Variants in ZBTB17 observed in about 807,000 individuals in gnomAD.
ZBTB17 encodes the protein zinc finger and BTB domain containing 17, also known as zinc finger and BTB domain-containing protein 17.
A neutral mutation model predicts 85.1 loss-of-function variants in ZBTB17; 24 were observed. That is an observed-to-expected ratio of 0.28 (90% CI 0.20 to 0.40). The LOEUF (loss-of-function observed/expected upper bound fraction) is 0.40. Ranked by LOEUF, ZBTB17 falls within the 10% of genes least tolerant of loss-of-function variation. The pLI is 1.00. For missense variants in ZBTB17, 743 were observed against 1,105.1 expected (o/e 0.67, Z 4.65); for synonymous variants, 464 against 460.2 (o/e 1.01, Z -0.11).
Position 15,944,564 on chromosome 1 carries a change from C to T in ZBTB17, c.1107G>A (p.Lys369=). 6.3e-7 allele frequency: 1 copy of T among 1,598,000 alleles called. No homozygotes were observed. The highest frequency in any genetic ancestry group is 2.2e-5 in the East Asian group (1 of 44,744). The change falls in exon 9 of 16, where the codon AAG becomes AAA. Residue 369 remains lysine (K), a synonymous_variant. Transcript: ENST00000375743. The part of the protein sequence containing the change: ...LKPYGCEECG[K]SYRLISLLNL... The stretch of plus-strand genomic sequence containing the variant: ...TCAGCAGGCTGATGAGGCGGTAGCT[C>T]TTCCCGCACTCCTCGCAGCCGTAGG...
Position 15,949,857 on chromosome 1 carries a change from G to T in ZBTB17, c.-2-1360C>A, listed in dbSNP as rs72893631. Among the ~76,000 whole-genome samples, 1,099 of 152,364 alleles carry T rather than the reference G, an allele frequency of 7.2e-3. 24 individuals are homozygous for T. Among genetic ancestry groups the T allele is most frequent in the African/African-American group, 0.025 (1,041 of 41,584 alleles). On this transcript the variant is annotated intron_variant, in intron 2 of 15. Transcript: ENST00000375743. ...TGATGTCTGGAAACTTTTCACAAGT[G>T]GGGGTATCTGCTGAGCGGGGGGAAG...
At chr1:15,959,639 G>A (rs541700037) in intron 2 of ZBTB17, among the ~76,000 whole-genome samples, 1 of 151,586 alleles carries the variant, frequency 6.6e-6, no homozygotes, top group South Asian at 2.1e-4. Context: ...AGGAGAGGAA[G>A]GGAGGGAGGG....
At chr1:15,950,867 C>T (rs1352574673) in intron 2 of ZBTB17, among the ~76,000 whole-genome samples, 7 of 152,298 alleles carry the variant, frequency 4.6e-5, no homozygotes, top group Middle Eastern at 3.4e-3. Context: ...CTCCCTGTGG[C>T]CATGTGCCCT....
At position 15,944,464 on chromosome 1, in the gene ZBTB17, C is replaced by T. The variant is rs767102163; in HGVS notation, c.1207G>A (p.Gly403Ser). 2 of 1,576,574 alleles carry T rather than the reference C, an allele frequency of 1.3e-6. No individual in the cohort carries two copies. The highest frequency in any genetic ancestry group is 2.3e-5 in the East Asian group (1 of 42,816). ...EDCGKLFTTS[G>S]NLKRHQLVHS... is the part of the protein sequence containing the mutation. ...ACCAGCTGGTGGCGCTTGAGGTTGC[C>T]CGAGGTGGTGAAGAGCTTGCCGCAG... Residue 403 changes from glycine (G) to serine (S), a missense_variant, in exon 9 of 16, where the codon GGC becomes AGC. Physicochemically the swap from Gly to Ser is moderately conservative, Grantham distance 56. Transcript: ENST00000375743.
At chr1:15,959,630 G>A (rs983069289) in intron 2 of ZBTB17, among the ~76,000 whole-genome samples, 2 of 150,208 alleles carry the variant, frequency 1.3e-5, no homozygotes, top group African/African-American at 4.9e-5. Context: ...AGGAGAGGGA[G>A]GAGAGGAAGG....
At position 15,943,355 on chromosome 1, in the gene ZBTB17, A is replaced by G. The variant is rs201896578; in HGVS notation, c.1697+44T>C. On this transcript the variant is annotated intron_variant, in intron 12 of 15. Coordinates refer to ENST00000375743, the MANE Select transcript of ZBTB17 (RefSeq NM_003443.3). ...CCCAGTTTGTCTTCTGAGCCCCCTC[A>G]CTGTGGGGTGTCTGGCCAGTGGGTG... 2,250 of 1,580,746 alleles carry G rather than the reference A, an allele frequency of 1.4e-3. 26 individuals carry two copies. The highest frequency in any genetic ancestry group is 5.0e-4 in the Non-Finnish European group (585 of 1,161,636).
At chr1:15,961,529 G>C (rs779048536) in intron 2 of ZBTB17, among the ~76,000 whole-genome samples, 2 of 152,248 alleles carry the variant, frequency 1.3e-5, no homozygotes, top group African/African-American at 2.4e-5. Flanking sequence ...TCAGTTTCCA[G>C]TGAGTTTTAA....
At chr1:15,965,422 A>C (rs2072407859) in intron 2 of ZBTB17, among the ~76,000 whole-genome samples, 1 of 152,190 alleles carries the variant, frequency 6.6e-6, no homozygotes. Context: ...TTGTACGCCC[A>C]CCAGATTAGT....
chr1:15,943,074 G>A lies in ZBTB17; in HGVS notation c.1818C>T (p.Ile606=), dbSNP rs2071429965. The A allele has an allele frequency of 3.1e-6, 5 of 1,614,136 alleles. No homozygotes were observed. Among genetic ancestry groups the A allele is most frequent in the East Asian group, 2.2e-5 (1 of 44,882 alleles). The change falls in exon 13 of 16, where the codon ATC becomes ATT. Residue 606 remains isoleucine (I), a synonymous_variant. Transcript: ENST00000375743. ...VNVGDLSKHI[I]IHTGEKPYLC... ...GGGGCCACAGCTCACCAGTGTGAAT[G>A]ATGATGTGCTTGGACAGGTCCCCCA...
intron 2 of ZBTB17, among the ~76,000 whole-genome samples, chr1:15,954,235 A>G (rs748805223): frequency 1.6e-4 from 25 of 152,224 alleles, no homozygotes; most frequent in Non-Finnish European, 2.2e-4. Flanking sequence ...CCCAGAGAGC[A>G]CAGCTCCATG....
In ZBTB17 at chr1:15,976,036, G is replaced by A; in HGVS notation, c.-143C>T. 1 of 696,062 alleles carries A rather than the reference G, an allele frequency of 1.4e-6. No individual in the cohort carries two copies. The highest frequency in any genetic ancestry group is 2.6e-6 in the Non-Finnish European group (1 of 381,696). The allele number at this position is 696,062 out of a possible 1,614,324, so 43.1% of individuals were successfully genotyped here. ...GGAGGTGCATCACGGCCGCGAGAAG[G>A]CCGGGGACGGCACTCCAGAGCAGAC... is the stretch of plus-strand genomic sequence containing the variant. On this transcript the variant is annotated 5_prime_UTR_variant, in exon 1 of 16. Transcript: ENST00000375743.
chr1:15,946,222 C>T lies in ZBTB17; in HGVS notation c.467G>A (p.Ser156Asn). The change falls in exon 5 of 16, where the codon AGC (serine) becomes AAC (asparagine). Residue 156 changes from serine (S) to asparagine (N), a missense_variant. Transcript: ENST00000375743. The stretch of plus-strand genomic sequence containing the variant: ...GTCCCTGCTGGGGCCTATGGGTGTG[C>T]TGCGTCCTGCCTGCTCCAGCCTGCT... ...TLSRLEQAGR[S>N]TPIGPSRDLK... 6.2e-7 allele frequency: 1 copy of T among 1,613,588 alleles called. No homozygotes were observed. Among genetic ancestry groups the T allele is most frequent in the Non-Finnish European group, 8.5e-7 (1 of 1,180,006 alleles).
At chr1:15,946,026 T>C (rs1386474552) in intron 5 of ZBTB17, 128 bp downstream of exon 5, 1 of 1,560,198 alleles carries the variant, frequency 6.4e-7, no homozygotes, top group Admixed American at 1.7e-5. Context: ...AATAGGTCAT[T>C]CTGGGTAACA....
Position 15,941,947 on chromosome 1 carries a change from AAC to A in ZBTB17, c.*20_*21del. ...CCAGGGTGCCATCCATCCTTAAATAAACAGTCAGAAGGGCCGCCAGCTCACTC... is the reference window on the plus strand; with the variant it reads ...CCAGGGTGCCATCCATCCTTAAATAAAGTCAGAAGGGCCGCCAGCTCACTC... On this transcript the variant is annotated 3_prime_UTR_variant, in exon 16 of 16. Transcript: ENST00000375743. 1 of 1,579,612 alleles carries A rather than the reference AAC, an allele frequency of 6.3e-7. No homozygotes were observed. Among genetic ancestry groups the A allele is most frequent in the Non-Finnish European group, 8.6e-7 (1 of 1,166,998 alleles).
At chr1:15,943,378 G>C (rs1214211290) in intron 12 of ZBTB17, 21 bp downstream of exon 12, 1 of 1,584,652 alleles carries the variant, frequency 6.3e-7, no homozygotes, top group Non-Finnish European at 8.6e-7. Flanking sequence ...TGGCCAGTGG[G>C]TGTGGGGGAG....
At chr1:15,959,416 C>T (rs2072167191) in intron 2 of ZBTB17, among the ~76,000 whole-genome samples, 1 of 151,472 alleles carries the variant, frequency 6.6e-6, no homozygotes, top group Admixed American at 6.6e-5. Flanking sequence ...GCTGTTTCAC[C>T]ACTTGTAAAC....
At position 15,976,030 on chromosome 1, in the gene ZBTB17, G is replaced by C. The variant is rs574861822; in HGVS notation, c.-137C>G. 13 of 696,978 alleles carry C rather than the reference G, an allele frequency of 1.9e-5. No homozygotes were observed. Among genetic ancestry groups the C allele is most frequent in the African/African-American group, 1.2e-4 (7 of 56,700 alleles). The allele number at this position is 696,978 out of a possible 1,614,324, so 43.2% of individuals were successfully genotyped here. A position where few individuals can be genotyped will look rare whatever the true frequency, so the allele number is the denominator to read the frequency against. On this transcript the variant is annotated 5_prime_UTR_variant, in exon 1 of 16. Transcript: ENST00000375743. ...GCAGAGGGAGGTGCATCACGGCCGC[G>C]AGAAGGCCGGGGACGGCACTCCAGA...
Position 15,942,020 on chromosome 1 carries a change from TGCGGGCTGGCCCTCA to T in ZBTB17, c.2346_2360del (p.Glu783_Ala787del). 1 of 1,608,072 alleles carries T rather than the reference TGCGGGCTGGCCCTCA, an allele frequency of 6.2e-7. No homozygotes were observed. Among genetic ancestry groups the T allele is most frequent in the East Asian group, 2.2e-5 (1 of 44,868 alleles). On this transcript the variant is annotated inframe_deletion, in exon 16 of 16. Transcript: ENST00000375743. ...GAGCTGTAGGGGAGGTCTCTGCCAG[TGCGGGCTGGCCCTCA>T]GCCCCGTCGCGAGGGCGGAAGACCA...
chr1:15,963,093 T>C (rs904746560), intron 2 of ZBTB17, among the ~76,000 whole-genome samples: 1 of 152,132 alleles, frequency 6.6e-6, no homozygotes, highest in Non-Finnish European at 1.5e-5. Flanking sequence ...TGAGAACCCA[T>C]CTCTAAAGAA....
Sources: gnomAD v4.1 joint callset for allele counts (sites outside exome capture counted in the v4.1 genomes callset) on GRCh38, gnomAD v4.1.1 for gene constraint, MANE v1.5 for transcripts, NCBI Gene and HGNC (gene_info 2026-07-23, HGNC 2026-07-21) for gene names.